Variants in PKNOX1 observed in about 807,000 individuals in gnomAD.
PKNOX1 encodes the protein PBX/knotted 1 homeobox 1, also known as homeobox protein PKNOX1.
PKNOX1 carries 15 observed loss-of-function variants against 51.9 expected under a neutral mutation model. The ratio of observed to expected loss-of-function variants is 0.29; its 90% CI spans 0.19 to 0.45. The LOEUF is 0.45. PKNOX1 is among the 20% of genes least tolerant of loss of function. The pLI is 1.00. For missense variants in PKNOX1, 462 were observed against 547.5 expected (o/e 0.84, Z 1.56); for synonymous variants, 219 against 211.1 (o/e 1.04, Z -0.32).
intron 5 of PKNOX1, among the ~76,000 whole-genome samples, chr21:43,016,532 T>C (rs1979495009): frequency 6.6e-6 from 1 of 152,168 alleles, no homozygotes; most frequent in Non-Finnish European, 1.5e-5. Context: ...AGGGAGAGCT[T>C]GGTTCATGGA....
chr21:43,012,058 A>G (rs1979278874), intron 4 of PKNOX1, among the ~76,000 whole-genome samples: 1 of 152,078 alleles, frequency 6.6e-6, no homozygotes, highest in South Asian at 2.1e-4. Flanking sequence ...AGAGTTTGAC[A>G]CTCCATCATT....
intron 2 of PKNOX1, among the ~76,000 whole-genome samples, chr21:43,006,885 AT>A (rs775543936): frequency 6.6e-6 from 1 of 152,122 alleles, no homozygotes; most frequent in African/African-American, 2.4e-5. Flanking sequence ...TTGTAAACTG[AT>A]TTTTTTTAAC....
At chr21:42,982,213 T>C (rs2059030455) in intron 1 of PKNOX1, among the ~76,000 whole-genome samples, 1 of 152,118 alleles carries the variant, frequency 6.6e-6, no homozygotes, top group African/African-American at 2.4e-5. Context: ...TGGGGAGGAA[T>C]GAGCTTCTGA....
chr21:43,007,212 C>T (rs989641359), intron 2 of PKNOX1, among the ~76,000 whole-genome samples: 18 of 152,324 alleles, frequency 1.2e-4, no homozygotes, highest in Admixed American at 1.0e-3. Flanking sequence ...GTAGATTGCA[C>T]GTGTGCCGTT....
intron 9 of PKNOX1, among the ~76,000 whole-genome samples, chr21:43,028,444 T>C (rs1980076242): frequency 2.3e-5 from 1 of 44,352 alleles, no homozygotes; most frequent in Non-Finnish European, 4.9e-5. Flanking sequence ...CTAAAGGAGT[T>C]GAGACAAAAA....
intron 1 of PKNOX1, among the ~76,000 whole-genome samples, chr21:42,988,581 C>G (rs1009517584): frequency 6.6e-6 from 1 of 152,154 alleles, no homozygotes; most frequent in Non-Finnish European, 1.5e-5. Context: ...GTGAGTAGTT[C>G]TAACAGCTGA....
intron 1 of PKNOX1, among the ~76,000 whole-genome samples, chr21:42,991,553 C>T (rs182483073): frequency 7.8e-4 from 118 of 151,982 alleles, no homozygotes; most frequent in Non-Finnish European, 1.2e-3. Context: ...AGTGAAATCC[C>T]GTCTCTACTA....
intron 2 of PKNOX1, among the ~76,000 whole-genome samples, chr21:43,006,500 ATT>A (rs199665999): frequency 6.9e-6 from 1 of 145,668 alleles, no homozygotes; most frequent in Non-Finnish European, 1.5e-5. Context: ...TATTGCTTTT[ATT>A]TTTTTTTTTT....
intron 1 of PKNOX1, among the ~76,000 whole-genome samples, chr21:42,975,527 G>C (rs1196002257): frequency 6.6e-6 from 1 of 152,222 alleles, no homozygotes; most frequent in Non-Finnish European, 1.5e-5. Flanking sequence ...GAGGGAAATC[G>C]TGTCACTTAA....
At chr21:42,994,683 A>G (rs888574092) in intron 1 of PKNOX1, among the ~76,000 whole-genome samples, 7 of 152,078 alleles carry the variant, frequency 4.6e-5, no homozygotes, top group African/African-American at 1.4e-4. Flanking sequence ...AGTTTTGGAT[A>G]TCATGGTCAT....
At chr21:43,007,188 C>T (rs907593621) in intron 2 of PKNOX1, among the ~76,000 whole-genome samples, 4 of 152,194 alleles carry the variant, frequency 2.6e-5, no homozygotes, top group Admixed American at 6.6e-5. Flanking sequence ...GGAGATATAG[C>T]AATAGACGGA....
chr21:43,024,796 T>C (rs774047794), intron 8 of PKNOX1, 75 bp from the exon 9 acceptor site: 4 of 903,550 alleles, frequency 4.4e-6, no homozygotes, highest in Non-Finnish European at 7.4e-6. Flanking sequence ...TATGTAATGC[T>C]CACATTTTGC....
Position 43,016,186 on chromosome 21 carries a change from G to A in PKNOX1, c.523-722G>A, listed in dbSNP as rs377110993. Among the ~76,000 whole-genome samples the A allele has an allele frequency of 3.9e-5, 6 of 152,150 alleles. No homozygotes were observed. The South Asian group carries it at 6.2e-4, about 16-fold the overall frequency. Reference sequence around the variant, plus strand: ...CAGGGCACATGAGTGTGCCAGGCCCGGCACTGGAGGCTCCTCTCCCCTGCC... The same window carrying A: ...CAGGGCACATGAGTGTGCCAGGCCCAGCACTGGAGGCTCCTCTCCCCTGCC... On this transcript the variant is annotated intron_variant, in intron 5 of 10. Coordinates refer to ENST00000291547, the MANE Select transcript of PKNOX1 (RefSeq NM_004571.5).
chr21:42,986,996 C>G (rs139708127), intron 1 of PKNOX1, among the ~76,000 whole-genome samples: 27 of 152,206 alleles, frequency 1.8e-4, no homozygotes, highest in African/African-American at 5.5e-4. Flanking sequence ...GTGTGGACTC[C>G]TCCAGCAAGG....
intron 1 of PKNOX1, among the ~76,000 whole-genome samples, chr21:43,000,834 G>A (rs183486403): frequency 1.5e-3 from 229 of 152,280 alleles, no homozygotes; most frequent in Non-Finnish European, 2.5e-3. Flanking sequence ...AGTGAGCTAT[G>A]ATTGCAACAT....
chr21:42,993,360 A>G (rs936872873), intron 1 of PKNOX1, among the ~76,000 whole-genome samples: 1 of 152,096 alleles, frequency 6.6e-6, no homozygotes, highest in Non-Finnish European at 1.5e-5. Context: ...CCGAGCTTCC[A>G]GGCGCCTTGA....
At chr21:42,977,501 C>T (rs1472619358) in intron 1 of PKNOX1, among the ~76,000 whole-genome samples, 2 of 146,564 alleles carry the variant, frequency 1.4e-5, no homozygotes, top group African/African-American at 5.0e-5. Flanking sequence ...CAGCTTCTTT[C>T]CTTAAACCTC....
At chr21:42,978,441 G>A (rs390473) in intron 1 of PKNOX1, among the ~76,000 whole-genome samples, 135,615 of 150,824 alleles carry the variant, frequency 0.9, 61,096 homozygotes, top group African/African-American at 0.92. Context: ...AGAAACTTCT[G>A]CTTTGCATTT....
In PKNOX1 at chr21:43,033,437, T is replaced by C. The variant is rs1452558529; in HGVS notation, c.*3336T>C. The C allele has an allele frequency of 7.9e-6, 1 of 125,890 alleles. No individual in the cohort carries two copies. Among genetic ancestry groups the C allele is most frequent in the Non-Finnish European group, 1.9e-5 (1 of 53,140 alleles). 7.8% of individuals were successfully genotyped at this position (125,890 alleles called of 1,614,324 possible). ...GAAAGAACTCAGCAATCTTTCGTTC[T>C]AGTTATATTCGGTCTTTGAAACTGA... On this transcript the variant is annotated 3_prime_UTR_variant, in exon 11 of 11. Transcript: ENST00000291547.
Sources: allele counts gnomAD v4.1 joint callset (sites outside exome capture counted in the v4.1 genomes callset), GRCh38; gene constraint gnomAD v4.1.1; transcripts MANE v1.5; gene names NCBI Gene and HGNC (gene_info 2026-07-23, HGNC 2026-07-21).